URB1: variants seen among roughly 807,000 people sequenced by gnomAD.
URB1 encodes the protein nucleolar pre-ribosomal-associated protein 1.
Under a neutral mutation model 242.3 loss-of-function variants are expected in URB1, and 197 were observed. That is an observed-to-expected ratio of 0.81 (90% CI 0.72 to 0.91). The LOEUF is 0.91. URB1 is among the 40% of genes least tolerant of loss of function. The pLI is 0.00. For synonymous variants in URB1, 1,153 were observed against 1,201.8 expected, an observed-to-expected ratio of 0.96 and a Z score of 0.84; for missense variants, 2,721 against 2,860.5, an observed-to-expected ratio of 0.95 and a Z score of 1.11.
At chr21:32,328,045 A>T (rs1164555450) in intron 30 of URB1, among the ~76,000 whole-genome samples, 2 of 152,270 alleles carry the variant, frequency 1.3e-5, no homozygotes, top group African/African-American at 4.8e-5. Context: ...ACCCATTTTC[A>T]ATATCAAGAC....
intron 8 of URB1, among the ~76,000 whole-genome samples, chr21:32,369,107 C>A (rs919504159): frequency 1.6e-4 from 25 of 152,104 alleles, no homozygotes; most frequent in African/African-American, 6.0e-4. Flanking sequence ...CTTTGGGAGG[C>A]CAAGGTGGGA....
At chr21:32,317,351 CA>C (rs2032704251) in intron 37 of URB1, among the ~76,000 whole-genome samples, 1 of 152,208 alleles carries the variant, frequency 6.6e-6, no homozygotes, top group Non-Finnish European at 1.5e-5. Context: ...TCCAGGAGGC[CA>C]GGTTCCAGTC....
At position 32,320,039 on chromosome 21, in the gene URB1, G is replaced by C. The variant is rs7278313; in HGVS notation, c.5594+492C>G. On this transcript the variant is annotated intron_variant, in intron 35 of 38. Transcript: ENST00000382751. ...ATCAGGAATCACAATAAATCATCAA[G>C]TTCAGACCCCTGGTGCTGCTCCTCT... Among the ~76,000 whole-genome samples the C allele has an allele frequency of 9.4e-3, 1,434 of 152,272 alleles. 21 individuals are homozygous for C. Among genetic ancestry groups the C allele is most frequent in the African/African-American group, 0.032 (1,343 of 41,548 alleles).
In URB1 at chr21:32,312,056, T is replaced by TA. The variant is rs2032594613; in HGVS notation, c.*2861dup. On this transcript the variant is annotated 3_prime_UTR_variant, in exon 39 of 39. Coordinates refer to ENST00000382751, the MANE Select transcript of URB1 (RefSeq NM_014825.3). ...GTGAAATCAAGCCAACCTGGACACATACGTTCCTCGTTCTTCTTAGAGGCC... is the reference window on the plus strand; with the variant it reads ...GTGAAATCAAGCCAACCTGGACACATAACGTTCCTCGTTCTTCTTAGAGGCC... 4 of 1,609,070 alleles carry TA rather than the reference T, an allele frequency of 2.5e-6. No individual in the cohort carries two copies. Among genetic ancestry groups the TA allele is most frequent in the Non-Finnish European group, 2.5e-6 (3 of 1,179,972 alleles).
In URB1 at chr21:32,311,571, T is replaced by C; in HGVS notation, c.*3347A>G. 6.8e-7 allele frequency: 1 copy of C among 1,468,908 alleles called. No individual in the cohort carries two copies. The highest frequency in any genetic ancestry group is 9.1e-7 in the Non-Finnish European group (1 of 1,097,654). The allele number at this position is 1,468,908 out of a possible 1,614,324, so 91.0% of individuals were successfully genotyped here. ...TTCTCAGGAATTTGCCTGTGTGGCCTTCCCTATGGGGTCCGGGCAGATGGC... is the reference window on the plus strand; with the variant it reads ...TTCTCAGGAATTTGCCTGTGTGGCCCTCCCTATGGGGTCCGGGCAGATGGC... On this transcript the variant is annotated 3_prime_UTR_variant, in exon 39 of 39. Coordinates refer to ENST00000382751, the MANE Select transcript of URB1 (RefSeq NM_014825.3).
chr21:32,379,519 T>C (rs1351262342), intron 4 of URB1, among the ~76,000 whole-genome samples: 1 of 151,978 alleles, frequency 6.6e-6, no homozygotes, highest in Non-Finnish European at 1.5e-5. Flanking sequence ...GCAGGAGAGG[T>C]GGTGGCAGTA....
In URB1 at chr21:32,383,499, C is replaced by T; in HGVS notation, c.490G>A (p.Ala164Thr). The T allele has an allele frequency of 6.4e-7, 1 of 1,551,676 alleles. No homozygotes were observed. The highest frequency in any genetic ancestry group is 1.2e-5 in the South Asian group (1 of 84,056). ...MTAMVTQGPE[A>T]ARDVCSHFDL... Reference sequence around the variant, plus strand: ...AAATGGCTGCAGACGTCCCTGGCAGCTTCCGGACCCTGGGTCACCATGGCG... The same window carrying T: ...AAATGGCTGCAGACGTCCCTGGCAGTTTCCGGACCCTGGGTCACCATGGCG... Residue 164 changes from alanine (A) to threonine (T), a missense_variant, in exon 4 of 39, where the codon GCT becomes ACT. By Grantham distance (58) the Ala-to-Thr change is moderately conservative. Transcript: ENST00000382751.
Position 32,317,848 on chromosome 21 carries a change from G to A in URB1, c.5862C>T (p.Ala1954=). ...TGTCCCTAAAGGCCTGTATGACAGT[G>A]GCCCGGTACCTCAGCACGGAGTCAA... The part of the protein sequence containing the change: ...GTLDSVLRYR[A]TVIQAFRDMN... Residue 1954 remains alanine, a synonymous_variant, in exon 37 of 39, where the codon GCC becomes GCT. Transcript: ENST00000382751. 6.4e-7 allele frequency: 1 copy of A among 1,551,888 alleles called. No individual in the cohort carries two copies. Among genetic ancestry groups the A allele is most frequent in the Non-Finnish European group, 8.7e-7 (1 of 1,147,040 alleles).
At chr21:32,338,647 G>A (rs1568815494) in intron 26 of URB1, 60 bp downstream of exon 26, 2 of 1,533,428 alleles carry the variant, frequency 1.3e-6, no homozygotes, top group South Asian at 1.2e-5. Context: ...TGCAGCCAGT[G>A]TAAGGAAATC....
chr21:32,360,919 C>G, intron 13 of URB1, 88 bp downstream of exon 13: 1 of 920,158 alleles, frequency 1.1e-6, no homozygotes, highest in Non-Finnish European at 1.6e-6. Context: ...CAACCGTCCA[C>G]CAGCCTTCCT....
intron 28 of URB1, among the ~76,000 whole-genome samples, chr21:32,336,711 T>C (rs2032963953): frequency 6.6e-6 from 1 of 152,314 alleles, no homozygotes; most frequent in South Asian, 2.1e-4. Context: ...AGAGATTTTA[T>C]GTACAGTTGA....
intron 10 of URB1, among the ~76,000 whole-genome samples, chr21:32,364,503 A>G (rs1038608410): frequency 6.6e-6 from 1 of 152,236 alleles, no homozygotes; most frequent in Non-Finnish European, 1.5e-5. Flanking sequence ...CCAGAGCCCC[A>G]GCATTCCAGT....
intron 31 of URB1, among the ~76,000 whole-genome samples, 154 bp from the exon 32 acceptor site, chr21:32,324,756 C>A (rs2032809384): frequency 6.6e-6 from 1 of 152,206 alleles, no homozygotes; most frequent in African/African-American, 2.4e-5. Flanking sequence ...AGCAGACACA[C>A]TACTTGCCAG....
chr21:32,335,881 G>A (rs571040055), intron 28 of URB1, among the ~76,000 whole-genome samples: 2 of 152,328 alleles, frequency 1.3e-5, no homozygotes, highest in African/African-American at 4.8e-5. Context: ...TCCTTGATTC[G>A]CTCTTCCCCG....
At chr21:32,371,574 A>T (rs1461566605) in intron 8 of URB1, among the ~76,000 whole-genome samples, 1 of 152,240 alleles carries the variant, frequency 6.6e-6, no homozygotes, top group Non-Finnish European at 1.5e-5. Context: ...CCAAAGTCAT[A>T]AGCAGACAGA....
chr21:32,332,253 A>G (rs2032901602), intron 30 of URB1, among the ~76,000 whole-genome samples: 2 of 152,146 alleles, frequency 1.3e-5, no homozygotes, highest in African/African-American at 4.8e-5. Flanking sequence ...AGGATCTAGG[A>G]GTAGACAGAG....
intron 1 of URB1, among the ~76,000 whole-genome samples, chr21:32,390,414 A>C (rs1327467232): frequency 3.9e-5 from 6 of 151,982 alleles, no homozygotes; most frequent in Non-Finnish European, 8.8e-5. Flanking sequence ...TTGGCTGCAT[A>C]AATGTCTTCT....
intron 17 of URB1, 85 bp downstream of exon 17, chr21:32,354,774 T>C: frequency 3.4e-6 from 5 of 1,488,380 alleles, no homozygotes; most frequent in Non-Finnish European, 4.5e-6. Flanking sequence ...AGGGCATTAG[T>C]GCAGTTCTTG....
In URB1 at chr21:32,322,554, A is replaced by C; in HGVS notation, c.5264T>G (p.Phe1755Cys). Reference protein sequence around the residue: ...EEHMYLKVSNFLLSHEYLNMD... With the variant: ...EEHMYLKVSNCLLSHEYLNMD... Reference sequence around the variant, plus strand: ...GTTCAAGTACTCATGCGACAGCAGGAAGTTGCTGACCTTCAGGTACATGTG... The same window carrying C: ...GTTCAAGTACTCATGCGACAGCAGGCAGTTGCTGACCTTCAGGTACATGTG... Residue 1755 changes from phenylalanine to cysteine, a missense_variant, in exon 33 of 39, where the codon TTC (phenylalanine) becomes TGC (cysteine). By Grantham distance (205) the Phe-to-Cys change is radical. Transcript: ENST00000382751. 2 of 1,552,072 alleles carry C rather than the reference A, an allele frequency of 1.3e-6. No individual in the cohort carries two copies. The highest frequency in any genetic ancestry group is 1.7e-6 in the Non-Finnish European group (2 of 1,147,066).
Sources: allele counts gnomAD v4.1 joint callset (sites outside exome capture counted in the v4.1 genomes callset), GRCh38; gene constraint gnomAD v4.1.1; transcripts MANE v1.5; gene names NCBI Gene and HGNC (gene_info 2026-07-23, HGNC 2026-07-21).